CWC22: variants seen among roughly 807,000 people sequenced by gnomAD.
The protein encoded by CWC22 is pre-mRNA-splicing factor CWC22 homolog.
In CWC22, 53 loss-of-function variants were observed where a neutral mutation model predicts 117.2. The ratio of observed to expected loss-of-function variants is 0.45; its 90% CI spans 0.36 to 0.57. The LOEUF is 0.57. Ranked by LOEUF, CWC22 falls within the 20% of genes least tolerant of loss-of-function variation. The pLI is 0.00. For missense variants in CWC22, 980 were observed against 1,068.8 expected (o/e 0.92, Z 1.16); for synonymous variants, 360 against 355.6 (o/e 1.01, Z -0.14).
At chr2:179,985,044 A>C (rs533826598) in intron 4 of CWC22, among the ~76,000 whole-genome samples, 19 of 152,154 alleles carry the variant, frequency 1.2e-4, no homozygotes, top group Non-Finnish European at 2.7e-4. Context: ...GACAAGATAC[A>C]TGTTATCATC....
intron 13 of CWC22, among the ~76,000 whole-genome samples, chr2:179,963,488 G>A (rs1000324990): frequency 6.0e-5 from 9 of 149,256 alleles, no homozygotes; most frequent in Admixed American, 2.0e-4. Context: ...GACTACAGGC[G>A]CCCGCTACCA....
chr2:179,960,263 G>A (rs1374331602), intron 13 of CWC22, among the ~76,000 whole-genome samples: 3 of 151,806 alleles, frequency 2.0e-5, no homozygotes, highest in Non-Finnish European at 2.9e-5. Context: ...TCTAAATCTG[G>A]GTAATCAGGT....
intron 6 of CWC22, 128 bp from the exon 7 acceptor site, chr2:179,973,930 A>G: frequency 2.2e-6 from 1 of 463,162 alleles, no homozygotes. Context: ...AACTAACTGG[A>G]AAGAGTTTGT....
At chr2:179,980,826 T>C (rs1687267915) in intron 5 of CWC22, among the ~76,000 whole-genome samples, 1 of 152,224 alleles carries the variant, frequency 6.6e-6, no homozygotes, top group African/African-American at 2.4e-5. Flanking sequence ...ATTATAACTA[T>C]TAATACCTTC....
chr2:179,965,689 A>G (rs1304716769), intron 12 of CWC22, among the ~76,000 whole-genome samples, 189 bp downstream of exon 12: 3 of 152,190 alleles, frequency 2.0e-5, no homozygotes, highest in Non-Finnish European at 2.9e-5. Context: ...GGGCTAGATC[A>G]TATCTTGTTG....
chr2:179,971,329 T>C (rs950086930), intron 8 of CWC22, among the ~76,000 whole-genome samples: 6 of 152,172 alleles, frequency 3.9e-5, no homozygotes, highest in Non-Finnish European at 7.4e-5. Flanking sequence ...ATACAACTAT[T>C]TGAATTATCT....
chr2:179,959,081 A>C lies in CWC22; in HGVS notation c.1399T>G (p.Leu467Val). ...RTIYLAIQSSLDFEECAHKLL... is the reference protein window; with the variant it reads ...RTIYLAIQSSVDFEECAHKLL... ...TTGTGAGCACATTCTTCAAAATCTA[A>C]ACTGTGGAAATGATCACAATAGGTT... Residue 467 changes from leucine (L) to valine (V), a missense_variant and splice_region_variant, in exon 14 of 20, where the codon TTA becomes GTA. Leu to Val is a conservative substitution (Grantham distance 32, BLOSUM62 1). This residue lies in a region of CWC22 where 559 missense variants were observed against 602.3 expected (regional missense o/e 0.93). Transcript: ENST00000410053. 6.4e-7 allele frequency: 1 copy of C among 1,562,956 alleles called. No individual in the cohort carries two copies. The highest frequency in any genetic ancestry group is 2.3e-5 in the East Asian group (1 of 42,878).
intron 1 of CWC22, 23 bp downstream of exon 1, chr2:180,006,844 A>C (rs932318566): frequency 2.0e-5 from 3 of 152,590 alleles, no homozygotes; most frequent in African/African-American, 7.2e-5. Flanking sequence ...CAGTCAGTTC[A>C]TGGCAGCCCA....
chr2:179,945,724 G>GT lies in CWC22; in HGVS notation c.2141-10dup. 6.8e-7 allele frequency: 1 copy of GT among 1,479,208 alleles called. No homozygotes were observed. The highest frequency in any genetic ancestry group is 1.2e-5 in the South Asian group (1 of 81,874). 91.6% of individuals were successfully genotyped at this position (1,479,208 alleles called of 1,614,324 possible). ...CTTTCTTACATCATTAGCTGCGTGT[G>GT]TAAAATAAAAGACAGTTAGCTTTTA... On this transcript the variant is annotated splice_polypyrimidine_tract_variant and intron_variant, in intron 19 of 19. Coordinates refer to ENST00000410053, the MANE Select transcript of CWC22 (RefSeq NM_020943.3).
rs1286882615 is a variant in CWC22, at chr2:179,990,891, G to A, written c.28-2247C>T. Among the ~76,000 whole-genome samples, 4 of 152,260 alleles carry A rather than the reference G, an allele frequency of 2.6e-5. No individual in the cohort carries two copies. In the East Asian group the frequency reaches 7.7e-4, roughly 29 times the overall value. ...AATCACTGTGGCATACAGTGCTAAC[G>A]GATGAAAGTGGGAAAACGGGGACTT... On this transcript the variant is annotated intron_variant, in intron 2 of 19. Transcript: ENST00000410053.
At chr2:179,980,681 T>C (rs1687264751) in intron 5 of CWC22, among the ~76,000 whole-genome samples, 2 of 152,152 alleles carry the variant, frequency 1.3e-5, no homozygotes, top group Admixed American at 6.5e-5. Context: ...CGTTTCTACT[T>C]CAAGCTAATC....
chr2:179,988,320 T>C (rs1687472536), intron 3 of CWC22, among the ~76,000 whole-genome samples: 1 of 152,220 alleles, frequency 6.6e-6, no homozygotes, highest in Non-Finnish European at 1.5e-5. Flanking sequence ...TTTTACACTT[T>C]CATTCCATTA....
chr2:179,978,145 G>C (rs1553560613), intron 6 of CWC22, 45 bp downstream of exon 6: 1 of 1,432,964 alleles, frequency 7.0e-7, no homozygotes, highest in Non-Finnish European at 9.2e-7. Context: ...ATATTCCTTT[G>C]AAAAAATACT....
intron 5 of CWC22, among the ~76,000 whole-genome samples, chr2:179,979,940 T>C (rs1329547467): frequency 6.6e-6 from 1 of 152,220 alleles, no homozygotes; most frequent in African/African-American, 2.4e-5. Flanking sequence ...GACTATGGCC[T>C]TCTCTTACAG....
Position 179,982,134 on chromosome 2 carries a change from A to C in CWC22, c.207-137T>G, listed in dbSNP as rs975466327. The C allele has an allele frequency of 1.1e-5, 7 of 613,944 alleles. No homozygotes were observed. In the Middle Eastern group the frequency reaches 3.0e-3, roughly 264 times the overall value. 38.0% of individuals were successfully genotyped at this position (613,944 alleles called of 1,614,324 possible). On this transcript the variant is annotated intron_variant, in intron 4 of 19. Transcript: ENST00000410053. The stretch of plus-strand genomic sequence containing the variant: ...GAAAAGTGGTTTAGAATGGTGACAA[A>C]GTGTTTCACAGAGAAAATTCAACAA...
intron 11 of CWC22, among the ~76,000 whole-genome samples, chr2:179,967,385 G>T (rs1477450181): frequency 6.6e-6 from 1 of 152,176 alleles, no homozygotes; most frequent in Non-Finnish European, 1.5e-5. Context: ...ATAAAGGAGT[G>T]GTTTCAAAGC....
intron 2 of CWC22, among the ~76,000 whole-genome samples, chr2:179,990,135 ATAACT>A (rs1460398736): frequency 3.9e-5 from 6 of 152,320 alleles, no homozygotes; most frequent in African/African-American, 7.2e-5. Flanking sequence ...ATCAAAATTG[ATAACT>A]TAAAGTAACC....
intron 13 of CWC22, among the ~76,000 whole-genome samples, chr2:179,960,892 T>A (rs1024808539): frequency 3.9e-5 from 6 of 152,036 alleles, no homozygotes; most frequent in African/African-American, 9.7e-5. Flanking sequence ...CATTAAAATC[T>A]CAGTGTGGAA....
At chr2:179,991,102 G>A (rs1168809207) in intron 2 of CWC22, among the ~76,000 whole-genome samples, 1 of 152,154 alleles carries the variant, frequency 6.6e-6, no homozygotes, top group Non-Finnish European at 1.5e-5. Context: ...AATTGTTCAT[G>A]AAGCAAAACA....
Sources: allele counts gnomAD v4.1 joint callset (sites outside exome capture counted in the v4.1 genomes callset), GRCh38; gene constraint gnomAD v4.1.1; regional missense constraint gnomAD v4.1.1; transcripts MANE v1.5; gene names NCBI Gene and HGNC (gene_info 2026-07-23, HGNC 2026-07-21).